ZFYVE16: variants seen among roughly 807,000 people sequenced by gnomAD.
ZFYVE16 encodes the protein zinc finger FYVE-type containing 16.
A neutral mutation model predicts 138.1 loss-of-function variants in ZFYVE16; 89 were observed. That is an observed-to-expected ratio of 0.64 (90% CI 0.54 to 0.77). ZFYVE16 has a LOEUF of 0.77. Among genes scored for constraint, ZFYVE16 ranks in the 30% least tolerant of loss-of-function variants. The pLI is 0.00. For synonymous variants in ZFYVE16, 596 were observed against 618.3 expected (o/e 0.96, Z 0.53); for missense variants, 1,793 against 1,786.7 (o/e 1.00, Z -0.06).
chr5:80,435,455 C>G (rs1209102337), intron 3 of ZFYVE16, among the ~76,000 whole-genome samples: 3 of 152,210 alleles, frequency 2.0e-5, no homozygotes, highest in Non-Finnish European at 4.4e-5. Flanking sequence ...AGGCGTGAGC[C>G]ACCACGTCTG....
rs1205681136 is a variant in ZFYVE16 at position 80,479,095 on chromosome 5, A to T, written c.*1718A>T. 2 of 152,206 alleles carry T rather than the reference A, an allele frequency of 1.3e-5. No homozygotes were observed. The highest frequency in any genetic ancestry group is 3.8e-4 in the East Asian group (2 of 5,206). 9.4% of individuals were successfully genotyped at this position (152,206 alleles called of 1,614,324 possible). A position where few individuals can be genotyped will look rare whatever the true frequency, so the allele number is the denominator to read the frequency against. On this transcript the variant is annotated 3_prime_UTR_variant, in exon 19 of 19. Transcript: ENST00000505560. ...TTTTCATAAAATCTCTATATTCAAT[A>T]AAAATTGGAATTATGTGCCTGAAGT... is the stretch of plus-strand genomic sequence containing the variant.
At chr5:80,411,868 T>G (rs1279485407) in intron 1 of ZFYVE16, 2 of 152,282 alleles carry the variant, frequency 1.3e-5, no homozygotes, top group African/African-American at 4.8e-5. Context: ...CCATCTACCC[T>G]AGCCACTCAT....
chr5:80,471,111 G>A (rs1043450993), intron 15 of ZFYVE16, among the ~76,000 whole-genome samples: 6 of 152,116 alleles, frequency 3.9e-5, no homozygotes, highest in African/African-American at 1.4e-4. Flanking sequence ...CCCTTGTGGA[G>A]AGCCTATAAA....
chr5:80,426,561 G>C (rs1488316228), intron 1 of ZFYVE16, among the ~76,000 whole-genome samples: 1 of 151,050 alleles, frequency 6.6e-6, no homozygotes, highest in East Asian at 2.0e-4. Flanking sequence ...TTGGTTTTCT[G>C]TTCTTGCATT....
At chr5:80,460,953 C>T (rs931087181) in intron 15 of ZFYVE16, among the ~76,000 whole-genome samples, 8 of 152,184 alleles carry the variant, frequency 5.3e-5, no homozygotes, top group South Asian at 2.1e-4. Flanking sequence ...TCCTTCTACT[C>T]TCCTCTCATT....
At position 80,477,595 on chromosome 5, in the gene ZFYVE16, AATTT is replaced by A. The variant is rs1384043050; in HGVS notation, c.*220_*223del. On this transcript the variant is annotated 3_prime_UTR_variant, in exon 19 of 19. Coordinates refer to ENST00000505560, the MANE Select transcript of ZFYVE16 (RefSeq NM_001284236.3). ...CCATACTTTCTGTAGCTTTACAATT[AATTT>A]AAGTACTAAAAAGACAAGGATTTCT... 3 of 366,912 alleles carry A rather than the reference AATTT, an allele frequency of 8.2e-6. No individual in the cohort carries two copies. Among genetic ancestry groups the A allele is most frequent in the African/African-American group, 4.2e-5 (2 of 47,356 alleles). 22.7% of individuals were successfully genotyped at this position (366,912 alleles called of 1,614,324 possible).
At chr5:80,455,876 A>G (rs1379410352) in intron 12 of ZFYVE16, 102 bp downstream of exon 12, 5 of 980,634 alleles carry the variant, frequency 5.1e-6, no homozygotes, top group Non-Finnish European at 7.4e-6. Flanking sequence ...AATTTGCCAT[A>G]TTTGGTATAA....
At chr5:80,458,606 T>G (rs1406930844) in intron 14 of ZFYVE16, among the ~76,000 whole-genome samples, 2 of 152,214 alleles carry the variant, frequency 1.3e-5, no homozygotes, top group Non-Finnish European at 2.9e-5. Context: ...CATTTAACTG[T>G]CCCTTATTGA....
rs150711327 is a variant in ZFYVE16 at position 80,438,840 on chromosome 5, G to C, written c.2155G>C (p.Val719Leu). 27 of 1,613,890 alleles carry C rather than the reference G, an allele frequency of 1.7e-5. No homozygotes were observed. Among genetic ancestry groups the C allele is most frequent in the Middle Eastern group, 1.6e-4 (1 of 6,084 alleles). ...ESNSEGGSSF[V>L]TANEDSVPEN... ...TAATTCTGAAGGTGGATCTAGTTTC[G>C]TAACTGCAAATGAAGATTCTGTACC... Residue 719 changes from valine (V) to leucine (L), a missense_variant, in exon 4 of 19, where the codon GTA (valine) becomes CTA (leucine). Physicochemically the swap from Val to Leu is conservative, Grantham distance 32. Transcript: ENST00000505560.
intron 2 of ZFYVE16, among the ~76,000 whole-genome samples, chr5:80,433,634 T>A (rs999683096): frequency 4.0e-5 from 6 of 151,750 alleles, no homozygotes; most frequent in African/African-American, 1.5e-4. Context: ...TAGAAAGAGA[T>A]GACATGTAAA....
chr5:80,408,713 CAA>C (rs1370157018), intron 1 of ZFYVE16, among the ~76,000 whole-genome samples: 2 of 152,218 alleles, frequency 1.3e-5, no homozygotes, highest in African/African-American at 4.8e-5. Flanking sequence ...TTGAGAACTC[CAA>C]AAGAGGACCT....
In ZFYVE16 at chr5:80,472,829, G is replaced by T. The variant is rs146594488; in HGVS notation, c.4093G>T (p.Asp1365Tyr). ...GCGGCTAGCTTTACGAGAACAGAAA[G>T]ACTTTAAAATTACATGTGGGAAAGT... Reference protein sequence around the residue: ...GLRLALREQKDFKITCGKVDA... With the variant: ...GLRLALREQKYFKITCGKVDA... The change falls in exon 16 of 19, where the codon GAC becomes TAC. Residue 1365 changes from aspartate to tyrosine, a missense_variant. Asp to Tyr is a radical substitution (Grantham distance 160). Transcript: ENST00000505560. 9 of 1,613,856 alleles carry T rather than the reference G, an allele frequency of 5.6e-6. No individual in the cohort carries two copies. Among genetic ancestry groups the T allele is most frequent in the African/African-American group, 1.3e-5 (1 of 74,920 alleles).
At chr5:80,418,332 C>T (rs1309513777) in intron 1 of ZFYVE16, among the ~76,000 whole-genome samples, 5 of 107,536 alleles carry the variant, frequency 4.6e-5, no homozygotes, top group Non-Finnish European at 6.9e-5. Context: ...CCTTTCTTTT[C>T]GACAGGGTCT....
At chr5:80,440,331 T>C in intron 5 of ZFYVE16, 1 of 1,041,766 alleles carries the variant, frequency 9.6e-7, no homozygotes, top group Non-Finnish European at 1.2e-6. Flanking sequence ...TCATCATCAT[T>C]GTCATGTTAA....
rs536625950 is a variant in ZFYVE16 at position 80,455,994 on chromosome 5, A to G, written c.3690+220A>G. ...TCCTCATGTACGTGTACCTGATTCT[A>G]AGTGCCTTTTGATTCATTCTCCTGC... is the stretch of plus-strand genomic sequence containing the variant. On this transcript the variant is annotated intron_variant, in intron 12 of 18. Transcript: ENST00000505560. 4 of 479,416 alleles carry G rather than the reference A, an allele frequency of 8.3e-6. No individual in the cohort carries two copies. The Admixed American group carries it at 1.6e-4, about 19-fold the overall frequency. The allele number at this position is 479,416 out of a possible 1,614,324, so 29.7% of individuals were successfully genotyped here. A position where few individuals can be genotyped will look rare whatever the true frequency, so the allele number is the denominator to read the frequency against.
At position 80,437,606 on chromosome 5, in the gene ZFYVE16, G is replaced by A. The variant is rs61739321; in HGVS notation, c.921G>A (p.Pro307=). 9,631 of 1,612,514 alleles carry A rather than the reference G, an allele frequency of 6.0e-3. 42 individuals are homozygous for A. Among genetic ancestry groups the A allele is most frequent in the Non-Finnish European group, 7.5e-3 (8,814 of 1,179,544 alleles). ...CAAGTGCTTTGACCTGCAGCCTTCCGAAAAATGAAGATTTATGCTTAAATG... is the reference window on the plus strand; with the variant it reads ...CAAGTGCTTTGACCTGCAGCCTTCCAAAAAATGAAGATTTATGCTTAAATG... The part of the protein sequence containing the change: ...GKTSALTCSL[P]KNEDLCLNDS... Residue 307 remains proline (P), a synonymous_variant, in exon 4 of 19, where the codon CCG becomes CCA. Coordinates refer to ENST00000505560, the MANE Select transcript of ZFYVE16 (RefSeq NM_001284236.3).
At chr5:80,456,658 T>C in intron 13 of ZFYVE16, 93 bp downstream of exon 13, 1 of 1,039,080 alleles carries the variant, frequency 9.6e-7, no homozygotes, top group Non-Finnish European at 1.4e-6. Context: ...TGAATTAGAC[T>C]ATCTAATGTA....
In ZFYVE16 at chr5:80,466,525, C is replaced by G. The variant is rs145204510; in HGVS notation, c.4025-6236C>G. 6.1e-3 allele frequency among the ~76,000 whole-genome samples: 930 copies of G among 152,142 alleles called. 10 individuals carry two copies. Among genetic ancestry groups the G allele is most frequent in the African/African-American group, 0.021 (858 of 41,482 alleles). ...ATACTTTGATTCTTTAGACATAGTT[C>G]CTTTAGTTCTGTGAACATATTTAAA... On this transcript the variant is annotated intron_variant, in intron 15 of 18. Transcript: ENST00000505560.
chr5:80,465,802 T>C (rs1753688469), intron 15 of ZFYVE16, among the ~76,000 whole-genome samples: 1 of 152,170 alleles, frequency 6.6e-6, no homozygotes, highest in African/African-American at 2.4e-5. Flanking sequence ...CATGACACTC[T>C]TTGTCATTCA....
Sources: gnomAD v4.1 joint callset for allele counts (sites outside exome capture counted in the v4.1 genomes callset) on GRCh38, gnomAD v4.1.1 for gene constraint, MANE v1.5 for transcripts, NCBI Gene and HGNC (gene_info 2026-07-23, HGNC 2026-07-21) for gene names.